SRRM2: variants seen among roughly 807,000 people sequenced by gnomAD.
The protein encoded by SRRM2 is serine/arginine repetitive matrix protein 2.
In SRRM2, 30 loss-of-function variants were observed where a neutral mutation model predicts 213.8. The observed-to-expected ratio is 0.14, with a 90% CI of 0.10 to 0.19. The LOEUF is 0.19. Among genes scored for constraint, SRRM2 ranks in the 10% least tolerant of loss-of-function variants. The probability of loss-of-function intolerance (pLI) is 1.00; values close to 1 mark genes in which losing one functional copy is unlikely to be tolerated. For missense variants in SRRM2, 4,904 were observed against 3,647.0 expected (o/e 1.34, Z -8.88); for synonymous variants, 2,025 against 1,377.7 (o/e 1.47, Z -10.40).
chr16:2,765,874 A>G lies in SRRM2; in HGVS notation c.5346A>G (p.Thr1782=), dbSNP rs748284914. 7 of 1,614,030 alleles carry G rather than the reference A, an allele frequency of 4.3e-6. No individual in the cohort carries two copies. In the South Asian group the frequency reaches 6.6e-5, roughly 15 times the overall value. The change falls in exon 11 of 15, where the codon ACA becomes ACG. Residue 1782 remains threonine (T), a synonymous_variant. Coordinates refer to ENST00000301740, the MANE Select transcript of SRRM2 (RefSeq NM_016333.4). ...RSRSRSRREK[T]RTTRRRDRSG... The stretch of plus-strand genomic sequence containing the variant: ...GTTCCCGCTCAAGGAGAGAGAAAAC[A>G]AGAACAACCCGACGTCGAGATAGGT...
chr16:2,769,836 GC>G (rs1832792899), intron 12 of SRRM2: 1 of 464,484 alleles, frequency 2.2e-6, no homozygotes, highest in Admixed American at 2.3e-5. Flanking sequence ...CCTCCTGCCC[GC>G]CCCCACACAT....
intron 2 of SRRM2, 134 bp downstream of exon 2, chr16:2,756,740 C>A: frequency 7.9e-7 from 1 of 1,270,618 alleles, no homozygotes; most frequent in Middle Eastern, 2.1e-4. Flanking sequence ...GGCAGATGAG[C>A]TCTAGAGAAG....
chr16:2,770,740 G>A (rs2068715801), intron 14 of SRRM2, 23 bp downstream of exon 14: 1 of 1,583,050 alleles, frequency 6.3e-7, no homozygotes, highest in Non-Finnish European at 8.6e-7. Context: ...GAAGGCTGAT[G>A]CCCCCTTCCG....
Position 2,759,493 on chromosome 16 carries a change from A to T in SRRM2, c.741-76A>T, listed in dbSNP as rs2068263997. On this transcript the variant is annotated intron_variant, in intron 8 of 14. Transcript: ENST00000301740. ...AATGAGTTATGTCCCTGACTGGTAA[A>T]GGGTTGAGGGATACGTGAGGAGAAT... 22 of 1,601,768 alleles carry T rather than the reference A, an allele frequency of 1.4e-5. No individual in the cohort carries two copies. The South Asian group carries it at 2.2e-4, about 16-fold the overall frequency.
chr16:2,765,068 A>G lies in SRRM2; in HGVS notation c.4540A>G (p.Arg1514Gly). ...CAACAACAAGTGTCTTACCCCCCAG[A>G]GAGAAAGAAGCGGGTCAGAATCATC... is the stretch of plus-strand genomic sequence containing the variant. The part of the protein sequence containing the change: ...ELNNKCLTPQ[R>G]ERSGSESSVD... Residue 1514 changes from arginine (R) to glycine (G), a missense_variant, in exon 11 of 15, where the codon AGA becomes GGA. By Grantham distance (125) the Arg-to-Gly change is moderately radical (BLOSUM62 -2). Coordinates refer to ENST00000301740, the MANE Select transcript of SRRM2 (RefSeq NM_016333.4). The G allele has an allele frequency of 6.2e-7, 1 of 1,614,080 alleles. No homozygotes were observed.
intron 12 of SRRM2, 49 bp from the exon 13 acceptor site, chr16:2,770,303 C>T (rs780838753): frequency 1.4e-4 from 209 of 1,518,056 alleles, no homozygotes; most frequent in Non-Finnish European, 1.7e-4. Flanking sequence ...AGTGCTGGCC[C>T]GTGTGCTTGA....
At position 2,762,724 on chromosome 16, in the gene SRRM2, C is replaced by G; in HGVS notation, c.2196C>G (p.Asn732Lys). The stretch of plus-strand genomic sequence containing the variant: ...CTGGCTCATCTTCAGAGCGGAAAAA[C>G]AAATCCAGAACATCTCAAAGAAGAA... Reference protein sequence around the residue: ...GRSGSSSERKNKSRTSQRRSR... With the variant: ...GRSGSSSERKKKSRTSQRRSR... Residue 732 changes from asparagine (N) to lysine (K), a missense_variant, in exon 11 of 15, where the codon AAC becomes AAG. Coordinates refer to ENST00000301740, the MANE Select transcript of SRRM2 (RefSeq NM_016333.4). 1.9e-6 allele frequency: 3 copies of G among 1,614,182 alleles called. No homozygotes were observed. Among genetic ancestry groups the G allele is most frequent in the Non-Finnish European group, 2.5e-6 (3 of 1,180,028 alleles).
chr16:2,765,931 A>T lies in SRRM2; in HGVS notation c.5403A>T (p.Arg1801Ser). The T allele has an allele frequency of 6.2e-7, 1 of 1,614,202 alleles. No individual in the cohort carries two copies. The highest frequency in any genetic ancestry group is 8.5e-7 in the Non-Finnish European group (1 of 1,180,016). ...SGSSQSTSRR[R>S]QRSRSRSRVT... ...CTTCTCAGTCAACCTCTCGGCGAAGACAGCGGAGCCGGTCAAGGTCGCGGG... is the reference window on the plus strand; with the variant it reads ...CTTCTCAGTCAACCTCTCGGCGAAGTCAGCGGAGCCGGTCAAGGTCGCGGG... The change falls in exon 11 of 15, where the codon AGA becomes AGT. Residue 1801 changes from arginine to serine, a missense_variant. Arg to Ser is a moderately radical substitution (Grantham distance 110, BLOSUM62 -1). Transcript: ENST00000301740.
intron 10 of SRRM2, among the ~76,000 whole-genome samples, chr16:2,761,271 G>T (rs1567226080): frequency 6.6e-6 from 1 of 152,182 alleles, no homozygotes; most frequent in African/African-American, 2.4e-5. Context: ...TTTAAAGATA[G>T]TTTTTTTCCA....
In SRRM2 at chr16:2,770,465, G is replaced by A; in HGVS notation, c.8135G>A (p.Ser2712Asn). ...CAGCCCTCACCACGGGACCAGCAGA[G>A]GTAAGGCCAACTGCAGGTGTCAGCA... ...SPQPSPRDQQ[S>N]SSSERGSRRG... The change falls in exon 13 of 15, where the codon AGC (serine) becomes AAC (asparagine). Residue 2712 changes from serine to asparagine, a missense_variant and splice_region_variant. Physicochemically the swap from Ser to Asn is conservative, Grantham distance 46. Coordinates refer to ENST00000301740, the MANE Select transcript of SRRM2 (RefSeq NM_016333.4). 6.2e-7 allele frequency: 1 copy of A among 1,605,368 alleles called. No homozygotes were observed. The highest frequency in any genetic ancestry group is 8.5e-7 in the Non-Finnish European group (1 of 1,176,306).
At chr16:2,768,719 C>G in intron 11 of SRRM2, 2 of 710,216 alleles carry the variant, frequency 2.8e-6, no homozygotes, top group Non-Finnish European at 5.0e-6. Context: ...GCTTCAGCTT[C>G]CACACCTGAG....
At chr16:2,759,968 C>T in intron 9 of SRRM2, 1 of 532,612 alleles carries the variant, frequency 1.9e-6, no homozygotes, top group South Asian at 2.3e-5. Flanking sequence ...ACCCTGGCTT[C>T]CTTAATCGGG....
rs773299142 is a variant in SRRM2 at position 2,765,306 on chromosome 16, C to G, written c.4778C>G (p.Pro1593Arg). Residue 1593 changes from proline (P) to arginine (R), a missense_variant, in exon 11 of 15, where the codon CCT becomes CGT. Pro to Arg is a moderately radical substitution (Grantham distance 103). Transcript: ENST00000301740. ...PEVDSKSRLS[P>R]RRSRSGSSPE... Reference sequence around the variant, plus strand: ...GTTGACAGCAAATCTCGACTATCCCCTCGGCGCAGTAGGTCTGGTTCCTCC... The same window carrying G: ...GTTGACAGCAAATCTCGACTATCCCGTCGGCGCAGTAGGTCTGGTTCCTCC... The G allele has an allele frequency of 4.2e-5, 67 of 1,614,054 alleles. No homozygotes were observed. The highest frequency in any genetic ancestry group is 9.3e-5 in the African/African-American group (7 of 74,914).
chr16:2,766,385 G>C lies in SRRM2; in HGVS notation c.5857G>C (p.Val1953Leu). The C allele has an allele frequency of 1.2e-6, 2 of 1,613,210 alleles. No individual in the cohort carries two copies. Among genetic ancestry groups the C allele is most frequent in the Non-Finnish European group, 1.7e-6 (2 of 1,179,728 alleles). ...RRRSRSRTPP[V>L]TRRRSRSRTP... Reference sequence around the variant, plus strand: ...CCGCTCCCGTTCTAGAACTCCACCAGTGACTCGCAGAAGGTCCAGATCCAG... The same window carrying C: ...CCGCTCCCGTTCTAGAACTCCACCACTGACTCGCAGAAGGTCCAGATCCAG... The change falls in exon 11 of 15, where the codon GTG becomes CTG. Residue 1953 changes from valine (V) to leucine (L), a missense_variant. By Grantham distance (32) the Val-to-Leu change is conservative (BLOSUM62 1). Coordinates refer to ENST00000301740, the MANE Select transcript of SRRM2 (RefSeq NM_016333.4). The surrounding 1 kb of genome is among the most constrained non-coding windows in gnomAD (Gnocchi z 7.0).
rs150939519 is a variant in SRRM2 at position 2,765,513 on chromosome 16, C to A, written c.4985C>A (p.Pro1662Gln). 3.1e-6 allele frequency: 5 copies of A among 1,614,142 alleles called. No homozygotes were observed. The South Asian group carries it at 3.3e-5, about 11-fold the overall frequency. The change falls in exon 11 of 15, where the codon CCG becomes CAG. Residue 1662 changes from proline to glutamine, a missense_variant. By Grantham distance (76) the Pro-to-Gln change is moderately conservative. Transcript: ENST00000301740. Reference sequence around the variant, plus strand: ...AGTACCGAGTCCTCTCCTGAACATCCGCCCAAATCCAGAACTGCTCGCAGA... The same window carrying A: ...AGTACCGAGTCCTCTCCTGAACATCAGCCCAAATCCAGAACTGCTCGCAGA... The part of the protein sequence containing the change: ...SSSTESSPEH[P>Q]PKSRTARRGS...
Position 2,767,293 on chromosome 16 carries a change from C to T in SRRM2, c.6765C>T (p.Asn2255=). ...CACCTGCCATTCCAACAGCAGTGAACCTGGCTGACTCTCGAACGCCAGCTG... is the reference window on the plus strand; with the variant it reads ...CACCTGCCATTCCAACAGCAGTGAATCTGGCTGACTCTCGAACGCCAGCTG... ...ARTPAIPTAV[N]LADSRTPAAA... is the part of the protein sequence containing the mutation. Residue 2255 remains asparagine (N), a synonymous_variant, in exon 11 of 15, where the codon AAC becomes AAT. Transcript: ENST00000301740. 5 of 1,614,100 alleles carry T rather than the reference C, an allele frequency of 3.1e-6. No homozygotes were observed. Among genetic ancestry groups the T allele is most frequent in the African/African-American group, 1.3e-5 (1 of 75,060 alleles).
In SRRM2 at chr16:2,767,459, C is replaced by T. The variant is rs1464196809; in HGVS notation, c.6931C>T (p.Leu2311Phe). ...CCCAGCTGCCTTGGCAGCTCTGAGT[C>T]TCACAGGCTCTGGCACACCACCAAC... Reference protein sequence around the residue: ...RTPAALAALSLTGSGTPPTAA... With the variant: ...RTPAALAALSFTGSGTPPTAA... The change falls in exon 11 of 15, where the codon CTC (leucine) becomes TTC (phenylalanine). Residue 2311 changes from leucine (L) to phenylalanine (F), a missense_variant. Coordinates refer to ENST00000301740, the MANE Select transcript of SRRM2 (RefSeq NM_016333.4). 6.2e-7 allele frequency: 1 copy of T among 1,614,106 alleles called. No individual in the cohort carries two copies. Among genetic ancestry groups the T allele is most frequent in the Non-Finnish European group, 8.5e-7 (1 of 1,180,048 alleles).
In SRRM2 at chr16:2,771,366, C is replaced by T. The variant is rs1382732089; in HGVS notation, c.*499C>T. ...GCATTTTGGTTTTTTAAAATCTGTA[C>T]AGCAAGAGCAACTTTTTCTGTCAAA... On this transcript the variant is annotated 3_prime_UTR_variant, in exon 15 of 15. Transcript: ENST00000301740. The T allele has an allele frequency of 1.9e-6, 3 of 1,595,522 alleles. No individual in the cohort carries two copies. Among genetic ancestry groups the T allele is most frequent in the South Asian group, 1.1e-5 (1 of 90,308 alleles).
rs73496380 is a variant in SRRM2, at chr16:2,755,505, C to T, written c.-31-829C>T. Among the ~76,000 whole-genome samples the T allele has an allele frequency of 3.8e-3, 585 of 152,190 alleles. 4 individuals carry two copies. Among genetic ancestry groups the T allele is most frequent in the African/African-American group, 0.014 (569 of 41,502 alleles). On this transcript the variant is annotated intron_variant, in intron 1 of 14. Transcript: ENST00000301740. Reference sequence around the variant, plus strand: ...TGTTTAAATAGAGCAGAGTTGAAAACAGGTAATATTTGACAGCTGGCAAGA... The same window carrying T: ...TGTTTAAATAGAGCAGAGTTGAAAATAGGTAATATTTGACAGCTGGCAAGA...
Sources: gnomAD v4.1 joint callset for allele counts (sites outside exome capture counted in the v4.1 genomes callset) on GRCh38, gnomAD v4.1.1 for gene constraint, Gnocchi (gnomAD v3.1) non-coding constraint, MANE v1.5 for transcripts, NCBI Gene and HGNC (gene_info 2026-07-23, HGNC 2026-07-21) for gene names.